Variants in FAT3 observed in about 807,000 individuals in gnomAD.
FAT3 encodes FAT atypical cadherin 3.
A neutral mutation model predicts 310.2 loss-of-function variants in FAT3; 95 were observed. That is an observed-to-expected ratio of 0.31 (90% CI 0.26 to 0.36). The LOEUF is 0.36. Ranked by LOEUF, FAT3 falls within the 10% of genes least tolerant of loss-of-function variation. The pLI is 1.00. For missense variants in FAT3, 5,408 were observed against 5,715.6 expected (o/e 0.95, Z 1.74); for synonymous variants, 2,314 against 2,192.9 (o/e 1.06, Z -1.54).
In FAT3 at chr11:92,728,925, A is replaced by G. The variant is rs116372667; in HGVS notation, c.3669+31480A>G. ...ATGATCTCCTCATCTCAAGATCCTT[A>G]ACTTAATCGCATTTGCAAAGACCCC... On this transcript the variant is annotated intron_variant, in intron 4 of 27. Transcript: ENST00000525166. Among the ~76,000 whole-genome samples the G allele has an allele frequency of 5.2e-3, 790 of 152,294 alleles. 8 individuals carry two copies. Among genetic ancestry groups the G allele is most frequent in the African/African-American group, 0.018 (741 of 41,552 alleles).
At chr11:92,399,443 T>G (rs1424799533) in intron 2 of FAT3, among the ~76,000 whole-genome samples, 1 of 152,194 alleles carries the variant, frequency 6.6e-6, no homozygotes, top group Non-Finnish European at 1.5e-5. Context: ...ATTTGATGGG[T>G]GATTTTTAAA....
chr11:92,276,532 G>A (rs1397178708), intron 1 of FAT3, among the ~76,000 whole-genome samples: 2 of 152,072 alleles, frequency 1.3e-5, no homozygotes, highest in East Asian at 1.9e-4. Flanking sequence ...TTGGCCAATG[G>A]AATGTTAGCA....
At chr11:92,358,596 A>C (rs1948797458) in intron 2 of FAT3, among the ~76,000 whole-genome samples, 1 of 152,138 alleles carries the variant, frequency 6.6e-6, no homozygotes, top group South Asian at 2.1e-4. Flanking sequence ...TACAATCTTA[A>C]CCATCTTTCT....
intron 3 of FAT3, among the ~76,000 whole-genome samples, chr11:92,601,340 A>C (rs1213933790): frequency 6.6e-6 from 1 of 151,106 alleles, no homozygotes; most frequent in Non-Finnish European, 1.5e-5. Context: ...CGGGCAGATC[A>C]CCTGAGGTCA....
chr11:92,824,216 G>A (rs942847766), intron 13 of FAT3, among the ~76,000 whole-genome samples: 1 of 152,016 alleles, frequency 6.6e-6, no homozygotes, highest in East Asian at 1.9e-4. Context: ...AATTAGCCGG[G>A]CATGGTGGTG....
At chr11:92,516,874 G>A (rs1428122850) in intron 2 of FAT3, among the ~76,000 whole-genome samples, 1 of 152,108 alleles carries the variant, frequency 6.6e-6, no homozygotes, top group African/African-American at 2.4e-5. Flanking sequence ...AATCATGAGT[G>A]AACATTCATT....
chr11:92,830,459 A>C (rs368207560), intron 13 of FAT3, among the ~76,000 whole-genome samples: 1 of 152,158 alleles, frequency 6.6e-6, no homozygotes, highest in African/African-American at 2.4e-5. Context: ...TCCTTGATGG[A>C]GTATTCCAGG....
At chr11:92,348,471 A>G (rs1235005549) in intron 1 of FAT3, among the ~76,000 whole-genome samples, 1 of 152,226 alleles carries the variant, frequency 6.6e-6, no homozygotes, top group South Asian at 2.1e-4. Flanking sequence ...TCACAGAAAG[A>G]TTTGTAAAAA....
intron 1 of FAT3, among the ~76,000 whole-genome samples, chr11:92,275,712 T>A (rs1212683726): frequency 6.6e-6 from 1 of 152,146 alleles, no homozygotes; most frequent in African/African-American, 2.4e-5. Context: ...GGTTTACTTT[T>A]CAGGAGCACA....
intron 3 of FAT3, among the ~76,000 whole-genome samples, chr11:92,660,356 A>G (rs1591576961): frequency 6.6e-6 from 1 of 152,144 alleles, no homozygotes; most frequent in African/African-American, 2.4e-5. Flanking sequence ...TCCCAACAGA[A>G]GGATGACACC....
At position 92,625,348 on chromosome 11, in the gene FAT3, C is replaced by G. The variant is rs540706595; in HGVS notation, c.3608-72036C>G. Among the ~76,000 whole-genome samples the G allele has an allele frequency of 4.6e-5, 7 of 152,270 alleles. No homozygotes were observed. In the East Asian group the frequency reaches 9.6e-4, roughly 21 times the overall value. On this transcript the variant is annotated intron_variant, in intron 3 of 27. Transcript: ENST00000525166. ...CTGGAGGAGTGGGGCTCTGAAGAAA[C>G]CATGGGCTGTCCATCTTATACACTG...
At chr11:92,492,550 CAAT>C (rs1434818232) in intron 2 of FAT3, among the ~76,000 whole-genome samples, 1 of 151,996 alleles carries the variant, frequency 6.6e-6, no homozygotes, top group African/African-American at 2.4e-5. Context: ...GCTACTATGA[CAAT>C]GATGATGACA....
At chr11:92,305,290 T>A (rs1947091640) in intron 1 of FAT3, among the ~76,000 whole-genome samples, 2 of 152,152 alleles carry the variant, frequency 1.3e-5, no homozygotes, top group African/African-American at 4.8e-5. Context: ...GTTTTTCTTT[T>A]AAAAGTCCCT....
At chr11:92,604,677 C>A (rs967448084) in intron 3 of FAT3, among the ~76,000 whole-genome samples, 10 of 152,208 alleles carry the variant, frequency 6.6e-5, no homozygotes, top group African/African-American at 2.4e-4. Context: ...CCTGTATATA[C>A]CCATCCTGTA....
chr11:92,743,541 C>G (rs916737681), intron 4 of FAT3, among the ~76,000 whole-genome samples: 2 of 152,194 alleles, frequency 1.3e-5, no homozygotes, highest in African/African-American at 2.4e-5. Context: ...AGCTTGTGCC[C>G]TATGCAGGGA....
At chr11:92,343,382 C>T (rs1243296122) in intron 1 of FAT3, among the ~76,000 whole-genome samples, 1 of 152,004 alleles carries the variant, frequency 6.6e-6, no homozygotes, top group Non-Finnish European at 1.5e-5. Context: ...AAATAAAATA[C>T]TCTTCTTGTT....
At position 92,792,942 on chromosome 11, in the gene FAT3, G is replaced by T. The variant is rs921269034; in HGVS notation, c.4787G>T (p.Gly1596Val). Reference protein sequence around the residue: ...LQVTALDKDKGENAELIYTIE... With the variant: ...LQVTALDKDKVENAELIYTIE... ...GTGACGGCTCTGGACAAAGACAAAG[G>T]AGAAAATGCAGAACTCATATATACC... The change falls in exon 9 of 28, where the codon GGA becomes GTA. Residue 1596 changes from glycine (G) to valine (V), a missense_variant. Physicochemically the swap from Gly to Val is moderately radical, Grantham distance 109. Around this residue, in one of 5 missense-constraint regions of FAT3, gnomAD observed 4,588 missense variants for 4,809.8 expected, o/e 0.95. Coordinates refer to ENST00000525166, the MANE Select transcript of FAT3 (RefSeq NM_001367949.2). 6.2e-7 allele frequency: 1 copy of T among 1,613,604 alleles called. No homozygotes were observed. Among genetic ancestry groups the T allele is most frequent in the Non-Finnish European group, 8.5e-7 (1 of 1,179,774 alleles).
chr11:92,890,586 C>T lies in FAT3; in HGVS notation c.13243C>T (p.His4415Tyr), dbSNP rs1426279957. Residue 4415 changes from histidine (H) to tyrosine (Y), a missense_variant, in exon 28 of 28, where the codon CAC (histidine) becomes TAC (tyrosine). This residue lies in a region of FAT3 where 649 missense variants were observed against 666.2 expected (regional missense o/e 0.97). Coordinates refer to ENST00000525166, the MANE Select transcript of FAT3 (RefSeq NM_001367949.2). ...TGAGAACCAGGATGGAGGGTCTGCA[C>T]ACCAGGGGAGCACACGGGAGCTGGA... ...NYENQDGGSA[H>Y]QGSTRELESD... is the part of the protein sequence containing the mutation. The T allele has an allele frequency of 2.5e-6, 4 of 1,613,822 alleles. No individual in the cohort carries two copies. The Admixed American group carries it at 5.0e-5, about 20-fold the overall frequency.
chr11:92,669,339 C>A (rs1943056977), intron 3 of FAT3, among the ~76,000 whole-genome samples: 1 of 152,188 alleles, frequency 6.6e-6, no homozygotes, highest in Admixed American at 6.5e-5. Flanking sequence ...CTGCAAAATG[C>A]ATACTACACA....
Sources: gnomAD v4.1 joint callset for allele counts (sites outside exome capture counted in the v4.1 genomes callset) on GRCh38, gnomAD v4.1.1 for gene constraint, gnomAD v4.1.1 regional missense constraint, MANE v1.5 for transcripts, NCBI Gene and HGNC (gene_info 2026-07-23, HGNC 2026-07-21) for gene names.